Variants in CEP164 observed in about 807,000 individuals in gnomAD.
CEP164 encodes centrosomal protein of 164 kDa.
Under a neutral mutation model 182.7 loss-of-function variants are expected in CEP164, and 162 were observed. The observed-to-expected ratio is 0.89, with a 90% confidence interval of 0.78 to 1.01. The LOEUF is 1.01. CEP164 is among the 50% of genes least tolerant of loss of function. CEP164 has a pLI of 0.00. For synonymous variants in CEP164, 661 were observed against 690.0 expected, an observed-to-expected ratio of 0.96 and a Z score of 0.66; for missense variants, 1,735 against 1,790.4, an observed-to-expected ratio of 0.97 and a Z score of 0.56.
chr11:117,389,938 C>CTTT (rs34794541), intron 15 of CEP164, among the ~76,000 whole-genome samples: 12 of 94,614 alleles, frequency 1.3e-4, no homozygotes, highest in South Asian at 3.6e-4. Flanking sequence ...CAGTAGTTTG[C>CTTT]TTTTTTTTTT....
intron 13 of CEP164, 139 bp from the exon 14 acceptor site, chr11:117,382,657 G>A (rs2043467257): frequency 2.2e-6 from 2 of 919,900 alleles, no homozygotes; most frequent in East Asian, 2.4e-5. Context: ...GGGAGAGGGA[G>A]GTCTAAGACC....
In CEP164 at chr11:117,397,918, C is replaced by G. The variant is rs2045686165; in HGVS notation, c.3501+605C>G. ...TATCTCATGTCCTCACATTTCAAAA[C>G]CAATCATGCCTTCCCAACAGTCCTC... is the stretch of plus-strand genomic sequence containing the variant. On this transcript the variant is annotated intron_variant, in intron 27 of 32. Coordinates refer to ENST00000278935, the MANE Select transcript of CEP164 (RefSeq NM_014956.5). Among the ~76,000 whole-genome samples the G allele has an allele frequency of 2.0e-5, 3 of 152,180 alleles. No individual in the cohort carries two copies. The South Asian group carries it at 6.2e-4, about 32-fold the overall frequency.
chr11:117,341,985 C>T (rs1418570641), intron 3 of CEP164, among the ~76,000 whole-genome samples: 9 of 151,666 alleles, frequency 5.9e-5, no homozygotes, highest in African/African-American at 1.9e-4. Flanking sequence ...TGCAATAGCT[C>T]GATTCCTTGA....
At chr11:117,381,390 G>A (rs1212346699) in intron 12 of CEP164, among the ~76,000 whole-genome samples, 1 of 152,132 alleles carries the variant, frequency 6.6e-6, no homozygotes, top group African/African-American at 2.4e-5. Flanking sequence ...CCCAGTGCTG[G>A]TGAGCTCTGG....
intron 27 of CEP164, among the ~76,000 whole-genome samples, chr11:117,402,574 CTG>C (rs1009373132): frequency 2.6e-5 from 4 of 152,108 alleles, no homozygotes; most frequent in African/African-American, 9.7e-5. Context: ...GTCTGAGAGA[CTG>C]TTTGTTATGA....
intron 10 of CEP164, 36 bp downstream of exon 10, chr11:117,373,867 A>C: frequency 6.3e-7 from 1 of 1,576,542 alleles, no homozygotes; most frequent in South Asian, 1.1e-5. Flanking sequence ...GTGGTGGTGA[A>C]GAGCATAGAT....
At chr11:117,396,680 T>C (rs1273702834) in intron 26 of CEP164, 69 bp downstream of exon 26, 5 of 1,245,418 alleles carry the variant, frequency 4.0e-6, no homozygotes, top group Non-Finnish European at 5.9e-6. Context: ...ACCTGCATCA[T>C]AGAGCTGGGG....
intron 5 of CEP164, chr11:117,355,001 C>T: frequency 7.8e-7 from 1 of 1,289,714 alleles, no homozygotes; most frequent in Non-Finnish European, 1.0e-6. Flanking sequence ...TCCGTCAGCA[C>T]CTGGGCTTGC....
chr11:117,396,602 A>G lies in CEP164; in HGVS notation c.3269A>G (p.Tyr1090Cys). Residue 1090 changes from tyrosine (Y) to cysteine (C), a missense_variant, in exon 26 of 33, where the codon TAC (tyrosine) becomes TGC (cysteine). Physicochemically the swap from Tyr to Cys is radical, Grantham distance 194. Transcript: ENST00000278935. Reference sequence around the variant, plus strand: ...CTCTCCCAGAGCAAGGAGGACTTATACTTGGACAGGTGAGTTCCCATAGCC... The same window carrying G: ...CTCTCCCAGAGCAAGGAGGACTTATGCTTGGACAGGTGAGTTCCCATAGCC... ...SSLSQSKEDL[Y>C]LDSLSSHNVW... 2.5e-6 allele frequency: 4 copies of G among 1,613,320 alleles called. No homozygotes were observed. Among genetic ancestry groups the G allele is most frequent in the Non-Finnish European group, 3.4e-6 (4 of 1,179,274 alleles).
chr11:117,364,276 G>A (rs1016601181), intron 8 of CEP164, among the ~76,000 whole-genome samples: 63 of 152,126 alleles, frequency 4.1e-4, no homozygotes, highest in African/African-American at 1.5e-3. Flanking sequence ...AATATATCAA[G>A]TTCTTTTAAA....
Position 117,412,214 on chromosome 11 carries a change from G to A in CEP164, c.*46G>A. On this transcript the variant is annotated 3_prime_UTR_variant, in exon 33 of 33. Transcript: ENST00000278935. ...GGCAGCCCAGCCTCTCCTCCACCCA[G>A]ACCAAGTGCCTGAGGAGCTGCCTGC... 6.5e-7 allele frequency: 1 copy of A among 1,544,708 alleles called. No individual in the cohort carries two copies. The highest frequency in any genetic ancestry group is 8.9e-7 in the Non-Finnish European group (1 of 1,129,412).
At position 117,392,612 on chromosome 11, in the gene CEP164, T is replaced by G. The variant is rs2136360090; in HGVS notation, c.2478T>G (p.Ala826=). 8 of 1,614,068 alleles carry G rather than the reference T, an allele frequency of 5.0e-6. No individual in the cohort carries two copies. Among genetic ancestry groups the G allele is most frequent in the Non-Finnish European group, 6.8e-6 (8 of 1,180,002 alleles). ...HRVHQKSYHV[A]GYEHELSSLL... The stretch of plus-strand genomic sequence containing the variant: ...TTCACCAGAAGTCTTATCACGTGGC[T>G]GGGTATGAGCACGAGGTGAGTGCTG... The change falls in exon 19 of 33, where the codon GCT becomes GCG. Residue 826 remains alanine (A), a synonymous_variant. Transcript: ENST00000278935.
chr11:117,392,568 G>A lies in CEP164; in HGVS notation c.2434G>A (p.Gly812Arg). The change falls in exon 19 of 33, where the codon GGG (glycine) becomes AGG (arginine). Residue 812 changes from glycine (G) to arginine (R), a missense_variant. Coordinates refer to ENST00000278935, the MANE Select transcript of CEP164 (RefSeq NM_014956.5). ...KEEAQLQKCL[G>R]QVEHRVHQKS... ...GGAGGCCCAGCTGCAGAAGTGCCTT[G>A]GGCAAGTGGAGCACAGAGTTCACCA... The A allele has an allele frequency of 6.2e-7, 1 of 1,614,172 alleles. No individual in the cohort carries two copies. The highest frequency in any genetic ancestry group is 1.3e-5 in the African/African-American group (1 of 75,054).
At position 117,387,219 on chromosome 11, in the gene CEP164, G is replaced by T; in HGVS notation, c.1741G>T (p.Val581Leu). Reference protein sequence around the residue: ...VSPEVRSTEPVAPPEQLSEAA... With the variant: ...VSPEVRSTEPLAPPEQLSEAA... ...CCATGGTAGGCGATCCACAGAGCCT[G>T]TGGCTCCCCCAGAGCAGCTCTCAGA... The change falls in exon 15 of 33, where the codon GTG (valine) becomes TTG (leucine). Residue 581 changes from valine to leucine, a missense_variant. Coordinates refer to ENST00000278935, the MANE Select transcript of CEP164 (RefSeq NM_014956.5). 1 of 1,614,174 alleles carries T rather than the reference G, an allele frequency of 6.2e-7. No individual in the cohort carries two copies. The highest frequency in any genetic ancestry group is 8.5e-7 in the Non-Finnish European group (1 of 1,180,004).
chr11:117,350,353 G>A (rs906021963), intron 4 of CEP164, among the ~76,000 whole-genome samples: 4 of 152,108 alleles, frequency 2.6e-5, no homozygotes, highest in Non-Finnish European at 5.9e-5. Flanking sequence ...ACAGACGTGT[G>A]TCACTGTGCC....
intron 15 of CEP164, among the ~76,000 whole-genome samples, chr11:117,390,527 A>G (rs1024113705): frequency 6.6e-6 from 1 of 151,744 alleles, no homozygotes; most frequent in Non-Finnish European, 1.5e-5. Context: ...TCCCAACTAC[A>G]TGGGATGCTG....
At position 117,328,377 on chromosome 11, in the gene CEP164, G is replaced by T. The variant is rs1703180811; in HGVS notation, c.-98+473G>T. 2.0e-5 allele frequency among the ~76,000 whole-genome samples: 3 copies of T among 152,232 alleles called. No homozygotes were observed. The South Asian group carries it at 6.2e-4, about 32-fold the overall frequency. The stretch of plus-strand genomic sequence containing the variant: ...AAATCCGGGGCTAGCCCAATCTTAT[G>T]CCATCTTTGGCCAGCTGGGAAAGTT... On this transcript the variant is annotated intron_variant, in intron 1 of 32. Transcript: ENST00000278935.
chr11:117,379,092 G>A (rs964611511), intron 11 of CEP164, among the ~76,000 whole-genome samples: 3 of 152,156 alleles, frequency 2.0e-5, no homozygotes, highest in East Asian at 3.8e-4. Flanking sequence ...TTGCACCCTC[G>A]AAGGGGAAAG....
At position 117,394,877 on chromosome 11, in the gene CEP164, C is replaced by T; in HGVS notation, c.2761-43C>T. The stretch of plus-strand genomic sequence containing the variant: ...ACCCCCTCCTGCCCCTCAGCTAATG[C>T]CTTACACTCTTTCTATGCTTATGTG... On this transcript the variant is annotated intron_variant, in intron 21 of 32. Transcript: ENST00000278935. This position sits in a 1 kb window ranked among gnomAD's most constrained non-coding sequence, Gnocchi z 4.0. The T allele has an allele frequency of 6.3e-7, 1 of 1,592,350 alleles. No homozygotes were observed. The highest frequency in any genetic ancestry group is 8.6e-7 in the Non-Finnish European group (1 of 1,161,122).
Sources: allele counts gnomAD v4.1 joint callset (sites outside exome capture counted in the v4.1 genomes callset), GRCh38; gene constraint gnomAD v4.1.1; non-coding constraint Gnocchi (gnomAD v3.1); transcripts MANE v1.5; gene names NCBI Gene and HGNC (gene_info 2026-07-23, HGNC 2026-07-21).